Variants in SIPA1L1 observed in about 807,000 individuals in gnomAD.
SIPA1L1 encodes the protein signal induced proliferation associated 1 like 1.
Under a neutral mutation model 162.7 loss-of-function variants are expected in SIPA1L1, and 26 were observed. The observed-to-expected ratio is 0.16, with a 90% CI of 0.12 to 0.22. The LOEUF is 0.22. Among genes scored for constraint, SIPA1L1 ranks in the 10% least tolerant of loss-of-function variants. The pLI is 1.00. For synonymous variants in SIPA1L1, 829 were observed against 837.4 expected (o/e 0.99, Z 0.17); for missense variants, 1,874 against 2,241.0 (o/e 0.84, Z 3.31).
chr14:71,661,270 A>C, intron 9 of SIPA1L1, 40 bp from the exon 10 acceptor site: 1 of 1,602,688 alleles, frequency 6.2e-7, no homozygotes, highest in Non-Finnish European at 8.5e-7. Context: ...GGGGAAGCAA[A>C]TGATTGTTAT....
chr14:71,615,976 A>G (rs1404982151), intron 5 of SIPA1L1, among the ~76,000 whole-genome samples: 3 of 152,200 alleles, frequency 2.0e-5, no homozygotes, highest in African/African-American at 7.2e-5. Context: ...AGTGTAGGTG[A>G]CAGAGTGAGA....
chr14:71,683,107 T>TCAC (rs2045955545), intron 12 of SIPA1L1, among the ~76,000 whole-genome samples: 2 of 152,096 alleles, frequency 1.3e-5, no homozygotes, highest in South Asian at 2.1e-4. Context: ...TGAACCTTGA[T>TCAC]CACGTCACAG....
intron 2 of SIPA1L1, among the ~76,000 whole-genome samples, chr14:71,478,774 A>T (rs947333674): frequency 1.2e-4 from 19 of 152,036 alleles, no homozygotes; most frequent in Non-Finnish European, 2.4e-4. Flanking sequence ...GACTGCTTGC[A>T]TTTCGGGCCA....
chr14:71,444,277 C>G (rs556965369), intron 2 of SIPA1L1, among the ~76,000 whole-genome samples: 1 of 152,248 alleles, frequency 6.6e-6, no homozygotes, highest in Admixed American at 6.5e-5. Flanking sequence ...GAGCTACAGC[C>G]CTTCCCACCT....
chr14:71,415,625 T>C (rs897739746), intron 2 of SIPA1L1, among the ~76,000 whole-genome samples: 5 of 152,090 alleles, frequency 3.3e-5, no homozygotes, highest in Non-Finnish European at 5.9e-5. Context: ...TTTCTAGATA[T>C]ACTTTTTTTT....
intron 2 of SIPA1L1, among the ~76,000 whole-genome samples, chr14:71,430,963 A>C (rs1281520012): frequency 1.3e-5 from 2 of 152,164 alleles, no homozygotes; most frequent in African/African-American, 4.8e-5. Context: ...TATTATTATA[A>C]AGGTCCTATA....
chr14:71,639,620 A>C (rs1384017136), intron 7 of SIPA1L1, among the ~76,000 whole-genome samples: 2 of 152,232 alleles, frequency 1.3e-5, no homozygotes, highest in Non-Finnish European at 2.9e-5. Flanking sequence ...TACCTAAAAC[A>C]ATCTGAGAAA....
At chr14:71,583,789 G>A (rs1445549517) in intron 4 of SIPA1L1, among the ~76,000 whole-genome samples, 1 of 152,120 alleles carries the variant, frequency 6.6e-6, no homozygotes, top group African/African-American at 2.4e-5. Context: ...TTTATCTGAA[G>A]TTTAGTGGAG....
intron 13 of SIPA1L1, among the ~76,000 whole-genome samples, chr14:71,694,730 A>G (rs1444351482): frequency 2.0e-5 from 3 of 152,258 alleles, no homozygotes; most frequent in African/African-American, 7.2e-5. Context: ...ACAGCAATTG[A>G]AAGAGGTATT....
intron 5 of SIPA1L1, among the ~76,000 whole-genome samples, chr14:71,613,563 T>C (rs1322506462): frequency 6.6e-6 from 1 of 152,132 alleles, no homozygotes; most frequent in Non-Finnish European, 1.5e-5. Context: ...TCCACTCTAC[T>C]TGAGTTTCCA....
intron 8 of SIPA1L1, among the ~76,000 whole-genome samples, chr14:71,652,989 G>T (rs1199176624): frequency 6.6e-6 from 1 of 151,694 alleles, no homozygotes; most frequent in Non-Finnish European, 1.5e-5. Flanking sequence ...TCACATGTCT[G>T]GTTGTTTTTG....
intron 6 of SIPA1L1, among the ~76,000 whole-genome samples, chr14:71,620,590 C>T (rs1422448629): frequency 6.6e-6 from 1 of 152,194 alleles, no homozygotes; most frequent in Admixed American, 6.5e-5. Context: ...CTTTCTGAGT[C>T]AGATCCTGTC....
intron 3 of SIPA1L1, among the ~76,000 whole-genome samples, chr14:71,523,781 T>A (rs1353480933): frequency 6.6e-6 from 1 of 152,240 alleles, no homozygotes; most frequent in African/African-American, 2.4e-5. Context: ...ACTATGGACT[T>A]GTGGATGTTT....
intron 2 of SIPA1L1, among the ~76,000 whole-genome samples, chr14:71,388,658 T>G (rs887105417): frequency 6.6e-6 from 1 of 152,242 alleles, no homozygotes; most frequent in African/African-American, 2.4e-5. Flanking sequence ...AGATATTTCC[T>G]GCAGAAAATG....
In SIPA1L1 at chr14:71,699,625, G is replaced by A. The variant is rs897402044; in HGVS notation, c.3521+498G>A. On this transcript the variant is annotated intron_variant, in intron 14 of 23. Coordinates refer to ENST00000381232, the MANE Select transcript of SIPA1L1 (RefSeq NM_001386936.1). ...GGCCCCGGTAAATGAGGAGTTTGGA[G>A]ACCATGTGGGAGAAAGAACTGAGGA... Among the ~76,000 whole-genome samples, 8 of 152,218 alleles carry A rather than the reference G, an allele frequency of 5.3e-5. 1 individual carries two copies. The highest frequency in any genetic ancestry group is 2.1e-4 in the South Asian group (1 of 4,830).
intron 4 of SIPA1L1, among the ~76,000 whole-genome samples, chr14:71,544,137 A>ATG (rs1259307851): frequency 9.9e-5 from 15 of 150,866 alleles, no homozygotes; most frequent in Non-Finnish European, 1.8e-4. Flanking sequence ...GTGTATGTAT[A>ATG]TACATATATG....
chr14:71,645,259 C>T (rs886165559), intron 7 of SIPA1L1, among the ~76,000 whole-genome samples: 14 of 152,206 alleles, frequency 9.2e-5, no homozygotes, highest in Admixed American at 3.3e-4. Context: ...TTATTGGGCC[C>T]ATCTGGATAA....
intron 23 of SIPA1L1, 110 bp downstream of exon 23, chr14:71,738,435 G>C (rs1157389880): frequency 1.5e-6 from 1 of 665,884 alleles, no homozygotes; most frequent in African/African-American, 1.8e-5. Flanking sequence ...TCTTCCCGGT[G>C]CCTGCATGTG....
intron 2 of SIPA1L1, among the ~76,000 whole-genome samples, chr14:71,357,605 A>G (rs1404287625): frequency 2.0e-5 from 3 of 152,130 alleles, no homozygotes; most frequent in African/African-American, 7.2e-5. Flanking sequence ...TCTGTCACCC[A>G]GGCTGCAGCG....
Sources: allele counts gnomAD v4.1 joint callset (sites outside exome capture counted in the v4.1 genomes callset), GRCh38; gene constraint gnomAD v4.1.1; transcripts MANE v1.5; gene names NCBI Gene and HGNC (gene_info 2026-07-23, HGNC 2026-07-21).